The following FUBP1 variants were observed in gnomAD, a reference collection of about 807,000 sequenced individuals.
The protein encoded by FUBP1 is far upstream element binding protein 1.
FUBP1 carries 16 observed loss-of-function variants against 94.9 expected under a neutral mutation model. The observed-to-expected ratio is 0.17, with a 90% CI of 0.11 to 0.26. The LOEUF is 0.26. FUBP1 is among the 10% of genes least tolerant of loss of function. FUBP1 has a pLI of 1.00. For synonymous variants in FUBP1, 279 were observed against 254.9 expected (o/e 1.09, Z -0.90); for missense variants, 583 against 808.6 (o/e 0.72, Z 3.38).
At chr1:77,978,717 GTT>G (rs1157337137) in intron 1 of FUBP1, among the ~76,000 whole-genome samples, 166 bp downstream of exon 1, 1 of 152,202 alleles carries the variant, frequency 6.6e-6, no homozygotes, top group African/African-American at 2.4e-5. Context: ...ACAAAACTGG[GTT>G]CTGGTCTCTA....
At chr1:77,949,625 T>C (rs1471344501) in intron 18 of FUBP1, among the ~76,000 whole-genome samples, 2 of 152,302 alleles carry the variant, frequency 1.3e-5, no homozygotes, top group East Asian at 3.9e-4. Flanking sequence ...AATTAATCGT[T>C]AACTTTTAGT....
At chr1:77,960,640 C>CCAT (rs1237575515) in intron 14 of FUBP1, 145 bp from the exon 15 acceptor site, 4 of 592,928 alleles carry the variant, frequency 6.7e-6, no homozygotes, top group Non-Finnish European at 1.1e-5. Context: ...ATTCATTTTG[C>CCAT]AAAAACTATT....
chr1:77,978,925 A>ACTC lies in FUBP1; in HGVS notation c.77_79dup (p.Gly26dup), dbSNP rs1163839770. 1 of 1,613,280 alleles carries ACTC rather than the reference A, an allele frequency of 6.2e-7. No homozygotes were observed. Among genetic ancestry groups the ACTC allele is most frequent in the Non-Finnish European group, 8.5e-7 (1 of 1,179,696 alleles). ...CAGTGCATCTTTGAAAGCGTCGTTA[A>ACTC]CTCCTCCACCACCACCGCCGCCACC... On this transcript the variant is annotated inframe_insertion, in exon 1 of 20. Transcript: ENST00000370768.
rs771284072 is a variant in FUBP1, at chr1:77,960,163, CAA to C, written c.1576+19_1576+20del. On this transcript the variant is annotated intron_variant, in intron 16 of 19. Coordinates refer to ENST00000370768, the MANE Select transcript of FUBP1 (RefSeq NM_003902.5). ...AGTGGAAAATAATACAGATAACACA[CAA>C]ATAATAAGCATCTTCTACCTGGATC... The C allele has an allele frequency of 3.9e-4, 596 of 1,533,444 alleles. No homozygotes were observed. Among genetic ancestry groups the C allele is most frequent in the Non-Finnish European group, 5.0e-4 (557 of 1,111,772 alleles). The allele number at this position is 1,533,444 out of a possible 1,614,324, so 95.0% of individuals were successfully genotyped here.
At position 77,960,416 on chromosome 1, in the gene FUBP1, G is replaced by C; in HGVS notation, c.1424C>G (p.Pro475Arg). The C allele has an allele frequency of 1.3e-6, 2 of 1,592,728 alleles. No individual in the cohort carries two copies. The highest frequency in any genetic ancestry group is 1.7e-6 in the Non-Finnish European group (2 of 1,174,804). The stretch of plus-strand genomic sequence containing the variant: ...TGGTCCCATTGGAGTTCCAGGCCCT[G>C]GAGGCCCAGGAGGTCCATGGGGGCC... ...VPGPHGPPGP[P>R]GPGTPMGPYN... The change falls in exon 15 of 20, where the codon CCA (proline) becomes CGA (arginine). Residue 475 changes from proline to arginine, a missense_variant. Physicochemically the swap from Pro to Arg is moderately radical, Grantham distance 103. Transcript: ENST00000370768.
chr1:77,966,974 AT>A lies in FUBP1; in HGVS notation c.344-20del, dbSNP rs5775434. 0.091 allele frequency: 131,326 copies of A among 1,450,894 alleles called. 4,952 individuals carry two copies. Among genetic ancestry groups the A allele is most frequent in the Admixed American group, 0.21 (11,824 of 55,562 alleles). The allele number at this position is 1,450,894 out of a possible 1,614,324, so 89.9% of individuals were successfully genotyped here. On this transcript the variant is annotated intron_variant, in intron 5 of 19. Coordinates refer to ENST00000370768, the MANE Select transcript of FUBP1 (RefSeq NM_003902.5). Reference sequence around the variant, plus strand: ...CCAATTACTAGTTAGAAAAAAAAAAATTTTTTTTTTGGTTGAAAGATTCTAA... The same window carrying A: ...CCAATTACTAGTTAGAAAAAAAAAAATTTTTTTTTGGTTGAAAGATTCTAA...
At chr1:77,964,433 G>GC in intron 10 of FUBP1, 77 bp from the exon 11 acceptor site, 1 of 884,420 alleles carries the variant, frequency 1.1e-6, no homozygotes. Context: ...TTAAAAAAGC[G>GC]CCATTTCCTG....
chr1:77,964,690 G>C lies in FUBP1; in HGVS notation c.793C>G (p.Arg265Gly). The C allele has an allele frequency of 6.2e-7, 1 of 1,612,342 alleles. No homozygotes were observed. The highest frequency in any genetic ancestry group is 8.5e-7 in the Non-Finnish European group (1 of 1,178,568). ...IRDQGGFREV[R>G]NEYGSRIGGN... ...CCTATTCTTGACCCATACTCATTCC[G>C]AACTTCTCTGAAACCGCCTTGATCA... Residue 265 changes from arginine (R) to glycine (G), a missense_variant, in exon 10 of 20, where the codon CGG becomes GGG. By Grantham distance (125) the Arg-to-Gly change is moderately radical. Coordinates refer to ENST00000370768, the MANE Select transcript of FUBP1 (RefSeq NM_003902.5).
rs1571182982 is a variant in FUBP1, at chr1:77,944,331, T to C, written c.*4435A>G. On this transcript the variant is annotated 3_prime_UTR_variant, in exon 20 of 20. Transcript: ENST00000370768. ...GAGCATGCATAAGAAAATATATATATATATATGCGCAAATACATTTAAGAG... is the reference window on the plus strand; with the variant it reads ...GAGCATGCATAAGAAAATATATATACATATATGCGCAAATACATTTAAGAG... The C allele has an allele frequency of 1.5e-5, 3 of 194,748 alleles. No individual in the cohort carries two copies. In the East Asian group the frequency reaches 2.4e-4, roughly 16 times the overall value. 12.1% of individuals were successfully genotyped at this position (194,748 alleles called of 1,614,324 possible).
At chr1:77,978,640 G>C (rs1243332560) in intron 1 of FUBP1, among the ~76,000 whole-genome samples, 1 of 152,220 alleles carries the variant, frequency 6.6e-6, no homozygotes, top group African/African-American at 2.4e-5. Context: ...GCAGAAGCGG[G>C]AGAAAGACTT....
Position 77,947,763 on chromosome 1 carries a change from G to T in FUBP1, c.*1003C>A. On this transcript the variant is annotated 3_prime_UTR_variant, in exon 20 of 20. Coordinates refer to ENST00000370768, the MANE Select transcript of FUBP1 (RefSeq NM_003902.5). ...TGGACTTGTGCATTTACAAAACAAA[G>T]CTTATCTATACTGCATAAAGAAAAA... 1 of 647,916 alleles carries T rather than the reference G, an allele frequency of 1.5e-6. No homozygotes were observed. The highest frequency in any genetic ancestry group is 2.0e-5 in the South Asian group (1 of 49,774). The allele number at this position is 647,916 out of a possible 1,614,324, so 40.1% of individuals were successfully genotyped here.
At position 77,944,643 on chromosome 1, in the gene FUBP1, A is replaced by T. The variant is rs1374072944; in HGVS notation, c.*4123T>A. On this transcript the variant is annotated 3_prime_UTR_variant, in exon 20 of 20. Coordinates refer to ENST00000370768, the MANE Select transcript of FUBP1 (RefSeq NM_003902.5). ...ACACAACAGATAACTTTCTAAGTAC[A>T]GCTGATTTTACTGGCAGAGTATTCA... Among the ~76,000 whole-genome samples, 1 of 151,946 alleles carries T rather than the reference A, an allele frequency of 6.6e-6. No homozygotes were observed. The highest frequency in any genetic ancestry group is 2.4e-5 in the African/African-American group (1 of 41,428).
Position 77,948,724 on chromosome 1 carries a change from T to C in FUBP1, c.*42A>G, listed in dbSNP as rs1313556954. The C allele has an allele frequency of 1.3e-6, 2 of 1,592,652 alleles. No homozygotes were observed. Among genetic ancestry groups the C allele is most frequent in the African/African-American group, 1.4e-5 (1 of 73,758 alleles). Reference sequence around the variant, plus strand: ...TCCATATATTTAACAAAGGTTTTTTTCCCCCACACAATGAAGCAAATACTG... The same window carrying C: ...TCCATATATTTAACAAAGGTTTTTTCCCCCCACACAATGAAGCAAATACTG... On this transcript the variant is annotated 3_prime_UTR_variant, in exon 20 of 20. Transcript: ENST00000370768.
chr1:77,956,390 ATTC>A (rs1224154502), intron 17 of FUBP1, among the ~76,000 whole-genome samples, 179 bp downstream of exon 17: 3 of 152,346 alleles, frequency 2.0e-5, no homozygotes, highest in East Asian at 3.9e-4. Context: ...TGCTCCGGGT[ATTC>A]TTCTTACAAC....
At chr1:77,974,783 A>C (rs1261168004) in intron 1 of FUBP1, among the ~76,000 whole-genome samples, 1 of 152,222 alleles carries the variant, frequency 6.6e-6, no homozygotes, top group Non-Finnish European at 1.5e-5. Flanking sequence ...GGTTCTTGGA[A>C]TGTATCCTCC....
At position 77,948,712 on chromosome 1, in the gene FUBP1, C is replaced by T. The variant is rs1229031384; in HGVS notation, c.*54G>A. The T allele has an allele frequency of 2.5e-6, 4 of 1,569,192 alleles. No individual in the cohort carries two copies. The African/African-American group carries it at 5.6e-5, about 22-fold the overall frequency. ...AAGTCGTCTGCATCCATATATTTAA[C>T]AAAGGTTTTTTTCCCCCACACAATG... On this transcript the variant is annotated 3_prime_UTR_variant, in exon 20 of 20. Transcript: ENST00000370768.
intron 10 of FUBP1, 86 bp from the exon 11 acceptor site, chr1:77,964,442 T>C: frequency 1.2e-6 from 1 of 816,086 alleles, no homozygotes; most frequent in Non-Finnish European, 1.9e-6. Flanking sequence ...CGCCATTTCC[T>C]GAAAATCTGC....
intron 1 of FUBP1, 129 bp downstream of exon 1, chr1:77,978,754 CGT>C: frequency 8.9e-7 from 1 of 1,128,204 alleles, no homozygotes; most frequent in East Asian, 2.4e-5. Context: ...CATGGGGAAA[CGT>C]GTCTCTTCAC....
rs199590509 is a variant in FUBP1, at chr1:77,956,753, A to T, written c.1577-53T>A. 506 of 1,082,922 alleles carry T rather than the reference A, an allele frequency of 4.7e-4. 1 individual carries two copies. Among genetic ancestry groups the T allele is most frequent in the South Asian group, 1.0e-3 (60 of 57,970 alleles). 67.1% of individuals were successfully genotyped at this position (1,082,922 alleles called of 1,614,324 possible). The stretch of plus-strand genomic sequence containing the variant: ...CATGTGAAGTCTGTAATTCTCTCTC[A>T]CACACACACACACCACCCCCCCGCC... On this transcript the variant is annotated intron_variant, in intron 16 of 19. Transcript: ENST00000370768.
Sources: gnomAD v4.1 joint callset for allele counts (sites outside exome capture counted in the v4.1 genomes callset) on GRCh38, gnomAD v4.1.1 for gene constraint, MANE v1.5 for transcripts, NCBI Gene and HGNC (gene_info 2026-07-23, HGNC 2026-07-21) for gene names.